Variants in BNC2 observed in about 807,000 individuals in gnomAD.
BNC2 encodes the protein zinc finger protein basonuclin-2.
In BNC2, 20 loss-of-function variants were observed where a neutral mutation model predicts 76.3. That is an observed-to-expected ratio of 0.26 (90% confidence interval 0.18 to 0.38). The LOEUF (loss-of-function observed/expected upper bound fraction) is 0.38, where lower values mean the gene tolerates loss of function less well. Among genes scored for constraint, BNC2 ranks in the 10% least tolerant of loss-of-function variants. BNC2 has a pLI of 1.00. For synonymous variants in BNC2, 582 were observed against 514.8 expected (o/e 1.13, Z -1.77); for missense variants, 1,382 against 1,399.8 (o/e 0.99, Z 0.20).
At chr9:16,817,367 A>T (rs1352946257) in intron 1 of BNC2, among the ~76,000 whole-genome samples, 1 of 150,818 alleles carries the variant, frequency 6.6e-6, no homozygotes, top group East Asian at 1.9e-4. Context: ...GGTGATAATG[A>T]TGATGATCAT....
At chr9:16,510,470 T>C (rs1044202300) in intron 5 of BNC2, among the ~76,000 whole-genome samples, 3 of 152,220 alleles carry the variant, frequency 2.0e-5, no homozygotes, top group African/African-American at 7.2e-5. Flanking sequence ...ACGTACTCTT[T>C]CTTCTTTCGC....
chr9:16,523,130 C>G (rs887722668), intron 5 of BNC2, among the ~76,000 whole-genome samples: 1 of 152,126 alleles, frequency 6.6e-6, no homozygotes, highest in Admixed American at 6.5e-5. Context: ...AAAGCGGTAT[C>G]AATGAAAATG....
chr9:16,744,707 C>T (rs1216775648), intron 1 of BNC2, among the ~76,000 whole-genome samples: 2 of 152,126 alleles, frequency 1.3e-5, no homozygotes, highest in Admixed American at 6.5e-5. Context: ...ACACAGACAA[C>T]GTTGGCCCCA....
At chr9:16,528,222 A>G (rs775028864) in intron 5 of BNC2, among the ~76,000 whole-genome samples, 1 of 152,076 alleles carries the variant, frequency 6.6e-6, no homozygotes, top group Non-Finnish European at 1.5e-5. Context: ...TATATGACTT[A>G]TTTTCTAAAA....
At chr9:16,504,851 T>A (rs774729456) in intron 5 of BNC2, among the ~76,000 whole-genome samples, 3 of 152,008 alleles carry the variant, frequency 2.0e-5, no homozygotes, top group Non-Finnish European at 4.4e-5. Flanking sequence ...CAGCAAGACC[T>A]CATCTCTTAA....
chr9:16,866,115 T>C (rs1819537629), intron 1 of BNC2, among the ~76,000 whole-genome samples: 1 of 152,166 alleles, frequency 6.6e-6, no homozygotes, highest in African/African-American at 2.4e-5. Context: ...TATATAAATA[T>C]TAAAGTGCAA....
intron 1 of BNC2, among the ~76,000 whole-genome samples, chr9:16,860,659 C>T (rs1458659672): frequency 6.6e-6 from 1 of 152,072 alleles, no homozygotes; most frequent in Non-Finnish European, 1.5e-5. Context: ...AGATAGCATA[C>T]CAAGGACAGA....
At chr9:16,753,972 G>C (rs950447138) in intron 1 of BNC2, among the ~76,000 whole-genome samples, 2 of 152,160 alleles carry the variant, frequency 1.3e-5, no homozygotes, top group African/African-American at 4.8e-5. Context: ...CTTGGTACTT[G>C]TGTCACAACC....
At chr9:16,556,811 T>C (rs1366509464) in intron 4 of BNC2, among the ~76,000 whole-genome samples, 1 of 151,792 alleles carries the variant, frequency 6.6e-6, no homozygotes, top group Non-Finnish European at 1.5e-5. Flanking sequence ...AATTTCAGCA[T>C]AAACATATCA....
intron 6 of BNC2, chr9:16,429,920 C>T (rs556369487): frequency 2.0e-6 from 1 of 512,574 alleles, no homozygotes; most frequent in Non-Finnish European, 3.9e-6. Context: ...TTAGGAAGAT[C>T]CGAGGCTCAC....
At chr9:16,804,155 CTT>C (rs2135779108) in intron 1 of BNC2, among the ~76,000 whole-genome samples, 1 of 152,322 alleles carries the variant, frequency 6.6e-6, no homozygotes, top group African/African-American at 2.4e-5. Context: ...AAATTTAACT[CTT>C]TGAGGAAAGA....
At chr9:16,639,709 G>C (rs1028710851) in intron 3 of BNC2, among the ~76,000 whole-genome samples, 10 of 152,206 alleles carry the variant, frequency 6.6e-5, no homozygotes, top group African/African-American at 2.4e-4. Flanking sequence ...TTGAGCCCAA[G>C]AGTTTCAGAC....
intron 1 of BNC2, among the ~76,000 whole-genome samples, chr9:16,774,760 A>T (rs1164808189): frequency 6.6e-6 from 1 of 152,198 alleles, no homozygotes; most frequent in Non-Finnish European, 1.5e-5. Context: ...CTACAAAAAA[A>T]CTAAGGCTAC....
intron 1 of BNC2, among the ~76,000 whole-genome samples, chr9:16,847,535 T>C (rs946586959): frequency 2.0e-5 from 3 of 152,052 alleles, no homozygotes; most frequent in African/African-American, 7.2e-5. Flanking sequence ...TAGGAAATTT[T>C]GAAGTGCTAG....
intron 5 of BNC2, among the ~76,000 whole-genome samples, chr9:16,469,033 G>A (rs565478471): frequency 6.6e-6 from 1 of 152,258 alleles, no homozygotes; most frequent in Non-Finnish European, 1.5e-5. Context: ...AATTAATTAT[G>A]AGCTTTTCAG....
intron 1 of BNC2, among the ~76,000 whole-genome samples, chr9:16,774,684 T>G (rs1434805568): frequency 6.6e-6 from 1 of 152,234 alleles, no homozygotes; most frequent in Non-Finnish European, 1.5e-5. Flanking sequence ...TTAAACATAC[T>G]GAATATCTGA....
chr9:16,834,620 C>A (rs780007601), intron 1 of BNC2, among the ~76,000 whole-genome samples: 18 of 152,168 alleles, frequency 1.2e-4, no homozygotes, highest in Non-Finnish European at 2.6e-4. Flanking sequence ...TGTTTGCCTT[C>A]CACAATTAGC....
At chr9:16,838,469 G>C (rs1276628791) in intron 1 of BNC2, among the ~76,000 whole-genome samples, 1 of 152,134 alleles carries the variant, frequency 6.6e-6, no homozygotes, top group Non-Finnish European at 1.5e-5. Flanking sequence ...GCTGAGGCAG[G>C]AGAATCGCTT....
intron 6 of BNC2, chr9:16,431,600 G>A: frequency 3.5e-6 from 1 of 287,022 alleles, no homozygotes; most frequent in Non-Finnish European, 7.6e-6. Flanking sequence ...GGAGGAAAGG[G>A]TCTTTAGAGA....
Sources: gnomAD v4.1 joint callset for allele counts (sites outside exome capture counted in the v4.1 genomes callset) on GRCh38, gnomAD v4.1.1 for gene constraint, MANE v1.5 for transcripts, NCBI Gene and HGNC (gene_info 2026-07-23, HGNC 2026-07-21) for gene names.